The following UPK1B variants were observed in gnomAD, a reference collection of about 807,000 sequenced individuals.
UPK1B encodes uroplakin 1B, also known as uroplakin-1b.
UPK1B carries 28 observed loss-of-function variants against 34.2 expected under a neutral mutation model. That is an observed-to-expected ratio of 0.82 (90% CI 0.61 to 1.12). The LOEUF is 1.12. Among genes scored for constraint, UPK1B ranks in the 50% most tolerant of loss-of-function variants. The pLI, the probability that UPK1B is intolerant of heterozygous loss-of-function variation, is 0.00. For synonymous variants in UPK1B, 81 were observed against 110.4 expected, an observed-to-expected ratio of 0.73 and a Z score of 1.67; for missense variants, 325 against 320.9, an observed-to-expected ratio of 1.01 and a Z score of -0.10.
At chr3:119,179,422 T>C (rs2077977720) in intron 1 of UPK1B, among the ~76,000 whole-genome samples, 1 of 131,078 alleles carries the variant, frequency 7.6e-6, no homozygotes, top group African/African-American at 2.8e-5. Context: ...TTAACCTATG[T>C]GATGTGATTG....
At chr3:119,194,012 A>C (rs1159608602) in intron 5 of UPK1B, among the ~76,000 whole-genome samples, 2 of 152,216 alleles carry the variant, frequency 1.3e-5, no homozygotes, top group Non-Finnish European at 2.9e-5. Flanking sequence ...ATGACTAGTA[A>C]AGTAGGAAGT....
chr3:119,175,012 C>CTTTTTTTTTTTTTTTTTTTTTTTTTTT (rs374721069), intron 1 of UPK1B, among the ~76,000 whole-genome samples: 1 of 67,482 alleles, frequency 1.5e-5, no homozygotes, highest in Admixed American at 2.2e-4. Context: ...CTTTTATTTT[C>CTTTTTTTTTTTTTTTTTTTTTTTTTTT]TTTTTTTTTT....
chr3:119,196,816 G>A (rs1264613213), intron 6 of UPK1B, among the ~76,000 whole-genome samples: 2 of 152,038 alleles, frequency 1.3e-5, no homozygotes, highest in Non-Finnish European at 2.9e-5. Context: ...GGGATTAAAG[G>A]AGTGAGCCAC....
At chr3:119,192,931 T>A (rs935465607) in intron 5 of UPK1B, among the ~76,000 whole-genome samples, 5 of 44,158 alleles carry the variant, frequency 1.1e-4, no homozygotes, top group African/African-American at 4.9e-4. Flanking sequence ...TCAGAAGAGA[T>A]GCCTACACTT....
chr3:119,199,071 G>T lies in UPK1B; in HGVS notation c.663G>T (p.Leu221=). 1 of 1,614,158 alleles carries T rather than the reference G, an allele frequency of 6.2e-7. No individual in the cohort carries two copies. Among genetic ancestry groups the T allele is most frequent in the Non-Finnish European group, 8.5e-7 (1 of 1,180,010 alleles). Residue 221 remains leucine, a synonymous_variant, in exon 7 of 8, where the codon CTG becomes CTT. Coordinates refer to ENST00000264234, the MANE Select transcript of UPK1B (RefSeq NM_006952.4). ...GFYHNQGCYE[L]ISGPMNRHAW... ...CACTCCTTCAGGGCTGCTATGAACT[G>T]ATCTCTGGTCCAATGAACCGACACG... is the stretch of plus-strand genomic sequence containing the variant.
chr3:119,181,088 GC>G, intron 1 of UPK1B, among the ~76,000 whole-genome samples: 1 of 152,224 alleles, frequency 6.6e-6, no homozygotes, highest in Non-Finnish European at 1.5e-5. Context: ...TCAGTAATTT[GC>G]CTATTTCTTT....
chr3:119,187,647 T>C (rs1245786531), intron 2 of UPK1B, 128 bp from the exon 3 acceptor site: 1 of 928,938 alleles, frequency 1.1e-6, no homozygotes, highest in East Asian at 2.4e-5. Context: ...TTCCTGGCAA[T>C]GGGGAGTTTA....
chr3:119,179,505 G>GTTTTTTTTTTTTTTTTTTTT (rs1293357139), intron 1 of UPK1B, among the ~76,000 whole-genome samples: 1 of 45,240 alleles, frequency 2.2e-5, no homozygotes, highest in African/African-American at 7.1e-5. Context: ...TGATGTTGCA[G>GTTTTTTTTTTTTTTTTTTTT]TCTTTTTTTT....
chr3:119,176,245 G>A (rs2077956029), intron 1 of UPK1B: 1 of 152,082 alleles, frequency 6.6e-6, no homozygotes, highest in Non-Finnish European at 1.5e-5. Context: ...TGTGTTCTCT[G>A]GTACAACAAA....
chr3:119,186,933 A>G (rs567920911), intron 2 of UPK1B, 123 bp downstream of exon 2: 1 of 946,248 alleles, frequency 1.1e-6, no homozygotes, highest in Non-Finnish European at 1.6e-6. Context: ...TTTTTGCTTC[A>G]TTTTAAGAAA....
intron 6 of UPK1B, among the ~76,000 whole-genome samples, chr3:119,196,626 A>G (rs57446248): frequency 0.11 from 15,404 of 139,496 alleles, 999 homozygotes; most frequent in East Asian, 0.25. Flanking sequence ...TGCAACCTCC[A>G]CCTCCCAGGT....
intron 1 of UPK1B, among the ~76,000 whole-genome samples, chr3:119,178,004 G>A (rs907872614): frequency 6.7e-6 from 1 of 149,248 alleles, no homozygotes; most frequent in Non-Finnish European, 1.5e-5. Flanking sequence ...TAAAGAGTTC[G>A]ATAGGCAGAA....
rs188153045 is a variant in UPK1B at position 119,180,804 on chromosome 3, C to G, written c.-28-5910C>G. Among the ~76,000 whole-genome samples the G allele has an allele frequency of 2.9e-3, 434 of 152,236 alleles. 1 individual carries two copies. Among genetic ancestry groups the G allele is most frequent in the African/African-American group, 9.2e-3 (382 of 41,542 alleles). ...TCTTCAAAGAACCCTAAACATCAGC[C>G]AGGCCTGATCTTTTCCTTTTGTAGA... On this transcript the variant is annotated intron_variant, in intron 1 of 7. Coordinates refer to ENST00000264234, the MANE Select transcript of UPK1B (RefSeq NM_006952.4).
intron 1 of UPK1B, chr3:119,175,883 C>G (rs189790098): frequency 1.1e-4 from 16 of 152,230 alleles, no homozygotes; most frequent in African/African-American, 3.9e-4. Flanking sequence ...CATGCAACTA[C>G]TAACTACTGT....
intron 3 of UPK1B, among the ~76,000 whole-genome samples, chr3:119,189,065 C>T (rs2078032315): frequency 6.6e-6 from 1 of 152,188 alleles, no homozygotes; most frequent in African/African-American, 2.4e-5. Context: ...CCCAGCCTCA[C>T]TTTGGGCCAG....
intron 1 of UPK1B, among the ~76,000 whole-genome samples, chr3:119,175,723 T>C (rs2077954003): frequency 6.6e-6 from 1 of 152,214 alleles, no homozygotes; most frequent in Admixed American, 6.5e-5. Flanking sequence ...AGAGCAGTGC[T>C]GTCCAGTAAA....
chr3:119,174,911 G>T (rs887821209), intron 1 of UPK1B, among the ~76,000 whole-genome samples: 3 of 122,524 alleles, frequency 2.4e-5, no homozygotes, highest in African/African-American at 5.9e-5. Context: ...TTTTTTAACT[G>T]CTGGGAAGAA....
chr3:119,194,114 T>G, intron 5 of UPK1B, 105 bp from the exon 6 acceptor site: 1 of 1,084,352 alleles, frequency 9.2e-7, no homozygotes, highest in East Asian at 2.5e-5. Flanking sequence ...ATGTAAGATA[T>G]GGTACACTTT....
chr3:119,202,889 C>G (rs1012459146), intron 7 of UPK1B, among the ~76,000 whole-genome samples: 2 of 151,554 alleles, frequency 1.3e-5, no homozygotes, highest in Non-Finnish European at 2.9e-5. Flanking sequence ...AGAAGGGCAA[C>G]CCCAGAAGAC....
Sources: allele counts gnomAD v4.1 joint callset (sites outside exome capture counted in the v4.1 genomes callset), GRCh38; gene constraint gnomAD v4.1.1; transcripts MANE v1.5; gene names NCBI Gene and HGNC (gene_info 2026-07-23, HGNC 2026-07-21).